The following COL4A4 variants were observed in gnomAD, a reference collection of about 807,000 sequenced individuals.
COL4A4 encodes the protein collagen alpha-4(IV) chain.
Under a neutral mutation model 192.9 loss-of-function variants are expected in COL4A4, and 105 were observed. That is an observed-to-expected ratio of 0.54 (90% CI 0.46 to 0.64). The LOEUF is 0.64. Ranked by LOEUF, COL4A4 falls within the 30% of genes least tolerant of loss-of-function variation. The pLI is 0.00. For missense variants in COL4A4, 1,967 were observed against 2,169.3 expected (o/e 0.91, Z 1.85); for synonymous variants, 762 against 769.9 (o/e 0.99, Z 0.17).
intron 28 of COL4A4, 126 bp from the exon 29 acceptor site, chr2:227,057,726 T>C: frequency 9.7e-7 from 1 of 1,028,794 alleles, no homozygotes; most frequent in Non-Finnish European, 1.5e-6. Flanking sequence ...TTCAAATGGG[T>C]TAAGTCTTTG....
the COL4A4 span, among the ~76,000 whole-genome samples, chr2:226,982,432 A>G: frequency 6.6e-6 from 1 of 152,226 alleles, no homozygotes; most frequent in African/African-American, 2.4e-5. Flanking sequence ...GTTATATACT[A>G]ATCAGGCTTA....
intron 43 of COL4A4, among the ~76,000 whole-genome samples, chr2:227,023,449 A>G (rs1455923871): frequency 6.6e-6 from 1 of 151,840 alleles, no homozygotes; most frequent in Non-Finnish European, 1.5e-5. Context: ...CTCAAAAAAA[A>G]AAAAAAGAAA....
intron 7 of COL4A4, among the ~76,000 whole-genome samples, chr2:227,118,025 G>A (rs2061582513): frequency 6.6e-6 from 1 of 152,216 alleles, no homozygotes; most frequent in Non-Finnish European, 1.5e-5. Flanking sequence ...GTCTGTTGTT[G>A]CTGCCAAGCA....
intron 37 of COL4A4, among the ~76,000 whole-genome samples, chr2:227,038,779 A>G (rs1280994557): frequency 6.6e-6 from 1 of 152,256 alleles, no homozygotes; most frequent in Non-Finnish European, 1.5e-5. Flanking sequence ...TGACTTAGTT[A>G]GAACATACTG....
intron 17 of COL4A4, among the ~76,000 whole-genome samples, chr2:227,100,949 C>T (rs568695392): frequency 2.2e-4 from 34 of 152,048 alleles, no homozygotes; most frequent in African/African-American, 3.1e-4. Context: ...GGACTACAGG[C>T]GCCCACCACC....
At chr2:227,022,754 A>G (rs898144923) in intron 43 of COL4A4, among the ~76,000 whole-genome samples, 1 of 152,116 alleles carries the variant, frequency 6.6e-6, no homozygotes, top group African/African-American at 2.4e-5. Context: ...CCTGGGTCCC[A>G]CTCCCAGAAA....
chr2:227,061,431 A>G (rs375732706), intron 26 of COL4A4, among the ~76,000 whole-genome samples: 1 of 152,188 alleles, frequency 6.6e-6, no homozygotes, highest in Non-Finnish European at 1.5e-5. Flanking sequence ...GCCCTCTTGC[A>G]TTTCTGCAAT....
chr2:227,007,633 C>A, intron 47 of COL4A4, 45 bp from the exon 48 acceptor site: 1 of 1,611,516 alleles, frequency 6.2e-7, no homozygotes, highest in African/African-American at 1.3e-5. Flanking sequence ...CACACACAGA[C>A]AACCCCAGAC....
the COL4A4 span, chr2:226,995,601 TA>T: frequency 1.0e-6 from 1 of 982,452 alleles, no homozygotes. Flanking sequence ...TAATTCATTT[TA>T]ATTCATTTTA....
In COL4A4 at chr2:227,012,719, G is replaced by C. The variant is rs116287977; in HGVS notation, c.4217-422C>G. On this transcript the variant is annotated intron_variant, in intron 44 of 47. Coordinates refer to ENST00000396625, the MANE Select transcript of COL4A4 (RefSeq NM_000092.5). Reference sequence around the variant, plus strand: ...ATGATTGTTTCAAAGCCTAGATGGAGAAATGAATGAAACTTAATCGGTTTC... The same window carrying C: ...ATGATTGTTTCAAAGCCTAGATGGACAAATGAATGAAACTTAATCGGTTTC... 9.3e-3 allele frequency among the ~76,000 whole-genome samples: 1,407 copies of C among 151,876 alleles called. 20 individuals are homozygous for C. The highest frequency in any genetic ancestry group is 0.032 in the African/African-American group (1,326 of 41,358).
intron 7 of COL4A4, among the ~76,000 whole-genome samples, chr2:227,115,487 T>C (rs2061444391): frequency 6.6e-6 from 1 of 151,976 alleles, no homozygotes; most frequent in Admixed American, 6.6e-5. Flanking sequence ...TTAGCCAGGA[T>C]GGTCTCAATC....
At chr2:226,995,597 AT>A in the COL4A4 span, 1 of 970,508 alleles carries the variant, frequency 1.0e-6, no homozygotes, top group Admixed American at 2.1e-5. Context: ...CCCCTAATTC[AT>A]TTTAATTCAT....
rs768003309 is a variant in COL4A4 at position 227,059,414 on chromosome 2, C to T, written c.2374G>A (p.Gly792Arg). The change falls in exon 28 of 48, where the codon GGG becomes AGG. Residue 792 changes from glycine (G) to arginine (R), a missense_variant. By Grantham distance (125) the Gly-to-Arg change is moderately radical. Transcript: ENST00000396625. Reference sequence around the variant, plus strand: ...AGCAAAGCCCTCATACCTTCAGCCCCTGGACATCCCGGATCACCTCTGGGT... The same window carrying T: ...AGCAAAGCCCTCATACCTTCAGCCCTTGGACATCCCGGATCACCTCTGGGT... ...KGPRGDPGCP[G>R]AEGPAGIPGF... The T allele has an allele frequency of 6.2e-7, 1 of 1,614,116 alleles. No individual in the cohort carries two copies. The highest frequency in any genetic ancestry group is 8.5e-7 in the Non-Finnish European group (1 of 1,179,948).
chr2:227,139,671 C>T (rs1354861752), intron 4 of COL4A4, among the ~76,000 whole-genome samples: 1 of 152,200 alleles, frequency 6.6e-6, no homozygotes, highest in Non-Finnish European at 1.5e-5. Flanking sequence ...ATTTTGAACT[C>T]ATAGAACAGT....
At chr2:227,108,090 G>A (rs2150864333) in intron 12 of COL4A4, among the ~76,000 whole-genome samples, 1 of 152,184 alleles carries the variant, frequency 6.6e-6, no homozygotes, top group East Asian at 1.9e-4. Flanking sequence ...TTCTTACTAA[G>A]TTTTACATGT....
intron 34 of COL4A4, among the ~76,000 whole-genome samples, 182 bp from the exon 35 acceptor site, chr2:227,047,731 C>CCACACACACACACACACACACA (rs71036155): frequency 2.7e-5 from 4 of 146,228 alleles, no homozygotes; most frequent in South Asian, 2.2e-4. Context: ...AATTTACATA[C>CCACACACACACACACACACACA]CACACACACA....
intron 37 of COL4A4, among the ~76,000 whole-genome samples, chr2:227,041,906 GA>G (rs1225336223): frequency 6.7e-6 from 1 of 149,496 alleles, no homozygotes; most frequent in Non-Finnish European, 1.5e-5. Context: ...AAGAAAGAAA[GA>G]AAGAAAGAAA....
chr2:227,104,925 G>T (rs1229705821), intron 12 of COL4A4, among the ~76,000 whole-genome samples: 1 of 100,948 alleles, frequency 9.9e-6, no homozygotes, highest in East Asian at 2.8e-4. Context: ...ACAAGCGTGA[G>T]CCACCGCACC....
the COL4A4 span, among the ~76,000 whole-genome samples, chr2:226,987,588 C>G: frequency 1.3e-5 from 2 of 152,216 alleles, no homozygotes; most frequent in Admixed American, 1.3e-4. Flanking sequence ...TCACTGGGAA[C>G]AAAACAATCA....
Sources: gnomAD v4.1 joint callset for allele counts (sites outside exome capture counted in the v4.1 genomes callset) on GRCh38, gnomAD v4.1.1 for gene constraint, MANE v1.5 for transcripts, NCBI Gene and HGNC (gene_info 2026-07-23, HGNC 2026-07-21) for gene names.